RLF: variants seen among roughly 807,000 people sequenced by gnomAD.
RLF encodes zinc finger protein Rlf.
A neutral mutation model predicts 162.9 loss-of-function variants in RLF; 7 were observed. The observed-to-expected ratio is 0.04, with a 90% CI of 0.02 to 0.08. The LOEUF (loss-of-function observed/expected upper bound fraction) is 0.08, where lower values mean the gene tolerates loss of function less well. Among genes scored for constraint, RLF ranks in the 10% least tolerant of loss-of-function variants. The pLI is 1.00. For missense variants in RLF, 1,664 were observed against 2,244.7 expected (o/e 0.74, Z 5.23); for synonymous variants, 782 against 791.5 (o/e 0.99, Z 0.20).
At chr1:40,205,480 T>G (rs1642778061) in intron 5 of RLF, among the ~76,000 whole-genome samples, 2 of 146,656 alleles carry the variant, frequency 1.4e-5, no homozygotes, top group Non-Finnish European at 3.0e-5. Flanking sequence ...ACATTTTCCT[T>G]CCTTCTTTTT....
intron 7 of RLF, 111 bp from the exon 8 acceptor site, chr1:40,235,679 GAT>G (rs1643208253): frequency 1.4e-6 from 1 of 695,522 alleles, no homozygotes; most frequent in Admixed American, 3.6e-5. Flanking sequence ...AAAGATTTAA[GAT>G]AAAATTTAGG....
chr1:40,175,478 G>A (rs1642310844), intron 1 of RLF, among the ~76,000 whole-genome samples: 2 of 151,942 alleles, frequency 1.3e-5, no homozygotes, highest in Admixed American at 6.6e-5. Flanking sequence ...GTGAAACCCT[G>A]TCTCTACCAA....
At chr1:40,228,972 T>C (rs75461698) in intron 6 of RLF, among the ~76,000 whole-genome samples, 7,363 of 152,102 alleles carry the variant, frequency 0.048, 586 homozygotes, top group African/African-American at 0.17. Flanking sequence ...GTGGCTAAGC[T>C]TTTTTTGTTT....
At chr1:40,196,036 A>G (rs911715450) in intron 4 of RLF, among the ~76,000 whole-genome samples, 2 of 151,880 alleles carry the variant, frequency 1.3e-5, no homozygotes, top group African/African-American at 4.8e-5. Context: ...AATCTGCTGT[A>G]ATCTTTGGTG....
chr1:40,201,932 A>C (rs1297318454), intron 4 of RLF, among the ~76,000 whole-genome samples: 2 of 152,056 alleles, frequency 1.3e-5, no homozygotes, highest in African/African-American at 4.8e-5. Context: ...TTCTAGGACT[A>C]TCTCTCAGGT....
chr1:40,187,704 T>TTC (rs988693066), intron 1 of RLF, among the ~76,000 whole-genome samples: 2 of 152,082 alleles, frequency 1.3e-5, no homozygotes, highest in East Asian at 3.8e-4. Context: ...TGTAAGTTGT[T>TTC]TCTCTCTCTC....
At position 40,239,585 on chromosome 1, in the gene RLF, C is replaced by T; in HGVS notation, c.4883C>T (p.Ser1628Phe). 1 of 1,614,106 alleles carries T rather than the reference C, an allele frequency of 6.2e-7. No individual in the cohort carries two copies. The stretch of plus-strand genomic sequence containing the variant: ...TCAGAGCGCACAGAACACAGCCATT[C>T]CCCGGGTGACAGTAGTGCACCCATC... Reference protein sequence around the residue: ...CESERTEHSHSPGDSSAPIQN... With the variant: ...CESERTEHSHFPGDSSAPIQN... The change falls in exon 8 of 8, where the codon TCC (serine) becomes TTC (phenylalanine). Residue 1628 changes from serine (S) to phenylalanine (F), a missense_variant. Coordinates refer to ENST00000372771, the MANE Select transcript of RLF (RefSeq NM_012421.4).
intron 1 of RLF, among the ~76,000 whole-genome samples, chr1:40,172,072 ATGCATGGTATTCCATCAGAAAT>A (rs775988440): frequency 4.5e-4 from 69 of 152,322 alleles, no homozygotes; most frequent in South Asian, 1.0e-3. Flanking sequence ...TAAGAAATAA[ATGCATGGTATTCCATCAGAAAT>A]TGCATTGATT....
In RLF at chr1:40,161,978, G is replaced by C. The variant is rs1217215456; in HGVS notation, c.237+342G>C. On this transcript the variant is annotated intron_variant, in intron 1 of 7. Transcript: ENST00000372771. The surrounding 1 kb of genome is among the most constrained non-coding windows in gnomAD (Gnocchi z 4.4). The stretch of plus-strand genomic sequence containing the variant: ...GAGGGATTGATTGCTTGTCCCTGCC[G>C]GGAGATCCTTTTTTGAGTGGAGTGC... 6.6e-6 allele frequency among the ~76,000 whole-genome samples: 1 copy of C among 152,172 alleles called. No individual in the cohort carries two copies. The highest frequency in any genetic ancestry group is 1.5e-5 in the Non-Finnish European group (1 of 68,020).
chr1:40,197,822 G>C (rs927828219), intron 4 of RLF, among the ~76,000 whole-genome samples: 3 of 152,150 alleles, frequency 2.0e-5, no homozygotes, highest in Admixed American at 1.3e-4. Context: ...CAGGTCAAAA[G>C]ATTAAAAAGC....
chr1:40,225,377 G>A (rs1269553459), intron 6 of RLF, among the ~76,000 whole-genome samples: 6 of 151,792 alleles, frequency 4.0e-5, no homozygotes, highest in African/African-American at 1.2e-4. Flanking sequence ...TCAGGAGTTC[G>A]AGACTAGCCT....
chr1:40,222,474 GTC>G, intron 5 of RLF, 98 bp from the exon 6 acceptor site: 1 of 1,019,790 alleles, frequency 9.8e-7, no homozygotes, highest in Non-Finnish European at 1.4e-6. Context: ...AGAAAATTAT[GTC>G]TCTAATTTTT....
intron 1 of RLF, among the ~76,000 whole-genome samples, chr1:40,174,624 G>T (rs1274652518): frequency 6.6e-6 from 1 of 152,050 alleles, no homozygotes; most frequent in African/African-American, 2.4e-5. Flanking sequence ...TCTTTTAAAA[G>T]TATGTTTTAT....
At chr1:40,188,268 C>A (rs1393980315) in intron 1 of RLF, among the ~76,000 whole-genome samples, 1 of 152,152 alleles carries the variant, frequency 6.6e-6, no homozygotes, top group Non-Finnish European at 1.5e-5. Context: ...AGCTTTCCAC[C>A]ATCATTTGGA....
chr1:40,171,286 C>T (rs770586905), intron 1 of RLF, among the ~76,000 whole-genome samples: 46 of 152,150 alleles, frequency 3.0e-4, no homozygotes, highest in Non-Finnish European at 4.4e-4. Flanking sequence ...ACCTCAGCCT[C>T]CCAAGGCACT....
chr1:40,194,000 A>C (rs962697217), intron 3 of RLF, among the ~76,000 whole-genome samples: 12 of 152,222 alleles, frequency 7.9e-5, no homozygotes, highest in African/African-American at 2.9e-4. Context: ...GAACATGGGA[A>C]CAAGCTCACC....
At chr1:40,218,245 C>CT (rs970370554) in intron 5 of RLF, among the ~76,000 whole-genome samples, 7 of 152,244 alleles carry the variant, frequency 4.6e-5, no homozygotes, top group African/African-American at 1.2e-4. Context: ...CCATCACCCT[C>CT]TAACTCCACC....
intron 4 of RLF, among the ~76,000 whole-genome samples, chr1:40,198,069 T>C (rs991340102): frequency 6.6e-6 from 1 of 152,116 alleles, no homozygotes; most frequent in Non-Finnish European, 1.5e-5. Flanking sequence ...AATGGTGTGA[T>C]CTCAGCTCAC....
At chr1:40,171,055 C>T (rs921123144) in intron 1 of RLF, among the ~76,000 whole-genome samples, 1 of 152,092 alleles carries the variant, frequency 6.6e-6, no homozygotes, top group South Asian at 2.1e-4. Context: ...GAGACAGGAT[C>T]GTACTCCCTT....
Sources: allele counts gnomAD v4.1 joint callset (sites outside exome capture counted in the v4.1 genomes callset), GRCh38; gene constraint gnomAD v4.1.1; non-coding constraint Gnocchi (gnomAD v3.1); transcripts MANE v1.5; gene names NCBI Gene and HGNC (gene_info 2026-07-23, HGNC 2026-07-21).